The following MAGI1 variants were observed in gnomAD, a reference collection of about 807,000 sequenced individuals.
MAGI1 encodes the protein membrane-associated guanylate kinase, WW and PDZ domain-containing protein 1.
Under a neutral mutation model 139.9 loss-of-function variants are expected in MAGI1, and 58 were observed. The observed-to-expected ratio is 0.41, with a 90% CI of 0.34 to 0.52. The LOEUF (loss-of-function observed/expected upper bound fraction) is 0.52, where lower values mean the gene tolerates loss of function less well. MAGI1 is among the 20% of genes least tolerant of loss of function. The probability of loss-of-function intolerance (pLI) is 0.12; values close to 1 mark genes in which losing one functional copy is unlikely to be tolerated. For missense variants in MAGI1, 1,874 were observed against 1,901.6 expected, an observed-to-expected ratio of 0.99 and a Z score of 0.27; for synonymous variants, 812 against 737.9, an observed-to-expected ratio of 1.10 and a Z score of -1.63.
chr3:65,818,805 G>T (rs962341881), intron 1 of MAGI1, among the ~76,000 whole-genome samples: 7 of 152,152 alleles, frequency 4.6e-5, no homozygotes, highest in Admixed American at 1.3e-4. Flanking sequence ...CAGCAGCCTT[G>T]CACAGAGAAG....
At chr3:65,680,307 C>T (rs1247821836) in intron 1 of MAGI1, among the ~76,000 whole-genome samples, 3 of 152,212 alleles carry the variant, frequency 2.0e-5, no homozygotes, top group Non-Finnish European at 2.9e-5. Context: ...TCATTCATTT[C>T]TTCCTTTTGA....
In MAGI1 at chr3:65,354,470, C is replaced by A. The variant is rs1304483048; in HGVS notation, c.*1908G>T. The A allele has an allele frequency of 6.6e-6, 1 of 152,502 alleles. No homozygotes were observed. The highest frequency in any genetic ancestry group is 1.5e-5 in the Non-Finnish European group (1 of 68,038). 9.4% of individuals were successfully genotyped at this position (152,502 alleles called of 1,614,324 possible). A position where few individuals can be genotyped will look rare whatever the true frequency, so the allele number is the denominator to read the frequency against. On this transcript the variant is annotated 3_prime_UTR_variant, in exon 23 of 23. Coordinates refer to ENST00000402939, the MANE Select transcript of MAGI1 (RefSeq NM_001033057.2). ...CATAGTGTTTTATAAAAAGATTGGCCCACATACTGCTTTTCATCAATACAG... is the reference window on the plus strand; with the variant it reads ...CATAGTGTTTTATAAAAAGATTGGCACACATACTGCTTTTCATCAATACAG...
At chr3:65,483,047 T>C (rs1230639498) in intron 3 of MAGI1, among the ~76,000 whole-genome samples, 2 of 152,216 alleles carry the variant, frequency 1.3e-5, no homozygotes, top group Non-Finnish European at 2.9e-5. Context: ...TGCAAGGGCA[T>C]AGGCAGATAC....
At chr3:65,459,271 T>C (rs970224389) in intron 5 of MAGI1, among the ~76,000 whole-genome samples, 3 of 152,218 alleles carry the variant, frequency 2.0e-5, no homozygotes, top group Non-Finnish European at 4.4e-5. Flanking sequence ...CAGGATATAT[T>C]TGGCTATTCT....
chr3:65,457,204 A>T (rs1399296094), intron 5 of MAGI1, among the ~76,000 whole-genome samples: 2 of 152,202 alleles, frequency 1.3e-5, no homozygotes, highest in Non-Finnish European at 2.9e-5. Flanking sequence ...ATAAAATAAA[A>T]ATAAAAATAA....
intron 1 of MAGI1, among the ~76,000 whole-genome samples, chr3:65,954,163 T>G (rs2063999439): frequency 6.6e-6 from 1 of 152,146 alleles, no homozygotes; most frequent in Non-Finnish European, 1.5e-5. Context: ...GTTCTCAGAT[T>G]AACAACCTTG....
At position 65,440,351 on chromosome 3, in the gene MAGI1, T is replaced by G. The variant is rs183328039; in HGVS notation, c.1137-339A>C. ...ACTTCATCTAGCATAATATAGCTAG[T>G]AAGCAGGAAACAGGCATGCAAGCTC... On this transcript the variant is annotated intron_variant, in intron 8 of 22. Transcript: ENST00000402939. Among the ~76,000 whole-genome samples the G allele has an allele frequency of 9.9e-5, 15 of 152,266 alleles. 1 individual carries two copies. The highest frequency in any genetic ancestry group is 8.5e-4 in the Admixed American group (13 of 15,294).
intron 1 of MAGI1, among the ~76,000 whole-genome samples, chr3:65,777,085 T>C (rs1290575465): frequency 1.3e-5 from 2 of 152,162 alleles, no homozygotes; most frequent in East Asian, 3.9e-4. Context: ...TAAGTGAGCA[T>C]GTGCAAGGAT....
intron 1 of MAGI1, among the ~76,000 whole-genome samples, chr3:65,685,535 A>T (rs1419495082): frequency 6.6e-6 from 1 of 152,234 alleles, no homozygotes; most frequent in South Asian, 2.1e-4. Flanking sequence ...TATTACACAC[A>T]ATGTCAAAGA....
chr3:65,564,966 G>A (rs1014743037), intron 2 of MAGI1, among the ~76,000 whole-genome samples: 2 of 152,106 alleles, frequency 1.3e-5, no homozygotes, highest in African/African-American at 4.8e-5. Flanking sequence ...TTACCCAGAG[G>A]ACCTAAAAAC....
At chr3:65,626,747 CAG>C (rs1283712188) in intron 1 of MAGI1, among the ~76,000 whole-genome samples, 3 of 152,210 alleles carry the variant, frequency 2.0e-5, no homozygotes, top group Non-Finnish European at 2.9e-5. Flanking sequence ...TGCAAAAAGA[CAG>C]AGTTTACTAT....
chr3:65,364,563 C>A, intron 20 of MAGI1, 102 bp downstream of exon 20: 1 of 991,698 alleles, frequency 1.0e-6, no homozygotes, highest in Non-Finnish European at 1.6e-6. Context: ...AAGGTTATTT[C>A]TTTTAAATTA....
intron 12 of MAGI1, among the ~76,000 whole-genome samples, chr3:65,420,738 G>A (rs1460133317): frequency 1.3e-5 from 2 of 152,126 alleles, no homozygotes; most frequent in South Asian, 2.1e-4. Flanking sequence ...TTCCAGAAAG[G>A]GGAAGGGATG....
At chr3:65,649,237 C>G (rs1408557428) in intron 1 of MAGI1, among the ~76,000 whole-genome samples, 3 of 152,032 alleles carry the variant, frequency 2.0e-5, no homozygotes, top group Non-Finnish European at 4.4e-5. Flanking sequence ...AAAAAATTAG[C>G]CAGGTGGAGT....
intron 2 of MAGI1, among the ~76,000 whole-genome samples, chr3:65,494,209 T>C (rs907740466): frequency 1.3e-5 from 2 of 152,164 alleles, no homozygotes; most frequent in South Asian, 2.1e-4. Flanking sequence ...ATGTAATTAA[T>C]ATGTTGGGCA....
chr3:65,371,156 T>G (rs1941947468), intron 18 of MAGI1, among the ~76,000 whole-genome samples: 1 of 152,262 alleles, frequency 6.6e-6, no homozygotes, highest in Non-Finnish European at 1.5e-5. Flanking sequence ...CCCTGCGTCC[T>G]GTTCTTTTGG....
At chr3:65,881,010 C>T (rs928170980) in intron 1 of MAGI1, among the ~76,000 whole-genome samples, 5 of 151,826 alleles carry the variant, frequency 3.3e-5, no homozygotes, top group South Asian at 2.1e-4. Context: ...CGGGCTCAAG[C>T]GATCTTCCCG....
intron 1 of MAGI1, among the ~76,000 whole-genome samples, chr3:65,833,343 T>C (rs2042631708): frequency 6.6e-6 from 1 of 152,092 alleles, no homozygotes; most frequent in South Asian, 2.1e-4. Context: ...GGTTTCAAAC[T>C]CCTGACCTCA....
chr3:65,986,410 T>C (rs1345277395), intron 1 of MAGI1, among the ~76,000 whole-genome samples: 1 of 152,214 alleles, frequency 6.6e-6, no homozygotes, highest in Non-Finnish European at 1.5e-5. Flanking sequence ...GTCTCTTGCA[T>C]CTGAATCAGG....
Sources: allele counts gnomAD v4.1 joint callset (sites outside exome capture counted in the v4.1 genomes callset), GRCh38; gene constraint gnomAD v4.1.1; transcripts MANE v1.5; gene names NCBI Gene and HGNC (gene_info 2026-07-23, HGNC 2026-07-21).